Variants in PDE3B observed in about 807,000 individuals in gnomAD.
PDE3B encodes the protein phosphodiesterase 3B, also known as cGMP-inhibited 3',5'-cyclic phosphodiesterase 3B.
Under a neutral mutation model 116.8 loss-of-function variants are expected in PDE3B, and 66 were observed. The ratio of observed to expected loss-of-function variants is 0.56; its 90% CI spans 0.46 to 0.69. The LOEUF is 0.69. Among genes scored for constraint, PDE3B ranks in the 30% least tolerant of loss-of-function variants. The pLI is 0.00. For synonymous variants in PDE3B, 595 were observed against 533.6 expected (o/e 1.12, Z -1.59); for missense variants, 1,384 against 1,368.1 (o/e 1.01, Z -0.18).
intron 1 of PDE3B, among the ~76,000 whole-genome samples, chr11:14,660,152 A>G (rs1853846528): frequency 6.6e-6 from 1 of 152,218 alleles, no homozygotes; most frequent in African/African-American, 2.4e-5. Context: ...TCTGGAAGAC[A>G]GAGGATGTAG....
chr11:14,880,831 A>C, the PDE3B span: 1 of 1,499,606 alleles, frequency 6.7e-7, no homozygotes, highest in African/African-American at 1.4e-5. Context: ...AATGAAAGGG[A>C]ACAAAATTTT....
intron 14 of PDE3B, among the ~76,000 whole-genome samples, chr11:14,864,370 C>T (rs1297880132): frequency 6.6e-6 from 1 of 152,000 alleles, no homozygotes; most frequent in African/African-American, 2.4e-5. Flanking sequence ...ATTTTAACAC[C>T]CCACTGTCAA....
chr11:14,708,035 C>T (rs931322598), intron 1 of PDE3B, among the ~76,000 whole-genome samples: 6 of 152,032 alleles, frequency 3.9e-5, no homozygotes, highest in Non-Finnish European at 7.4e-5. Flanking sequence ...TGCTTGTCCT[C>T]TTCAAACCTC....
chr11:14,752,281 A>G (rs1470725317), intron 1 of PDE3B, among the ~76,000 whole-genome samples: 1 of 152,156 alleles, frequency 6.6e-6, no homozygotes, highest in Non-Finnish European at 1.5e-5. Context: ...ATGTTTGTTC[A>G]GACCTTTTCA....
chr11:14,806,395 C>T (rs1858925193), intron 5 of PDE3B, among the ~76,000 whole-genome samples: 1 of 151,364 alleles, frequency 6.6e-6, no homozygotes, highest in Admixed American at 6.6e-5. Flanking sequence ...TTGCTGTGAG[C>T]CGAGATCGTG....
the PDE3B span, among the ~76,000 whole-genome samples, chr11:14,895,751 T>G: frequency 0.29 from 44,573 of 152,104 alleles, 8,295 homozygotes; most frequent in African/African-American, 0.52. Context: ...TAAATGATAC[T>G]AATTGAACAT....
chr11:14,875,817 T>C (rs140933468), downstream of PDE3B, among the ~76,000 whole-genome samples: 445 of 152,306 alleles, frequency 2.9e-3, no homozygotes, highest in Middle Eastern at 0.01. Context: ...TCCTTGGCTA[T>C]AAAATGAGCA....
At chr11:14,742,427 G>C (rs1856799519) in intron 1 of PDE3B, among the ~76,000 whole-genome samples, 1 of 152,044 alleles carries the variant, frequency 6.6e-6, no homozygotes, top group African/African-American at 2.4e-5. Context: ...GTGTTTTTCA[G>C]CTCCACCAGA....
intron 1 of PDE3B, among the ~76,000 whole-genome samples, chr11:14,686,017 C>T (rs1461024313): frequency 6.6e-6 from 1 of 152,158 alleles, no homozygotes; most frequent in African/African-American, 2.4e-5. Flanking sequence ...ATTAGATTTT[C>T]ACCAATATCT....
At chr11:14,760,887 C>T (rs919062146) in intron 1 of PDE3B, among the ~76,000 whole-genome samples, 1 of 152,170 alleles carries the variant, frequency 6.6e-6, no homozygotes, top group Non-Finnish European at 1.5e-5. Flanking sequence ...GGATATCCAT[C>T]ACCTCCAACA....
chr11:14,841,024 A>G (rs1860205828), intron 11 of PDE3B, among the ~76,000 whole-genome samples: 1 of 152,136 alleles, frequency 6.6e-6, no homozygotes, highest in Non-Finnish European at 1.5e-5. Context: ...GTCAGACATT[A>G]ATTTTAATAT....
chr11:14,701,380 T>C (rs1855357862), intron 1 of PDE3B, among the ~76,000 whole-genome samples: 1 of 151,738 alleles, frequency 6.6e-6, no homozygotes, highest in African/African-American at 2.4e-5. Flanking sequence ...AGTTTGAAAA[T>C]TTTTAACATA....
At chr11:14,786,816 A>T (rs578146804) in intron 3 of PDE3B, 131 bp downstream of exon 3, 1 of 666,420 alleles carries the variant, frequency 1.5e-6, no homozygotes, top group South Asian at 2.1e-5. Context: ...GCTGCTTGGG[A>T]TGTTAGAGGC....
At chr11:14,887,128 A>G in the PDE3B span, 2 of 152,262 alleles carry the variant, frequency 1.3e-5, no homozygotes, top group African/African-American at 2.4e-5. Flanking sequence ...CTATTAAAGG[A>G]AAGTCTCTTC....
chr11:14,723,040 G>C (rs921762505), intron 1 of PDE3B, among the ~76,000 whole-genome samples: 1 of 152,158 alleles, frequency 6.6e-6, no homozygotes, highest in Non-Finnish European at 1.5e-5. Context: ...ATCCTAAATG[G>C]CATCTGGCCA....
intron 1 of PDE3B, among the ~76,000 whole-genome samples, chr11:14,668,641 CAG>C (rs1464956807): frequency 2.0e-5 from 3 of 152,066 alleles, no homozygotes; most frequent in Admixed American, 6.6e-5. Context: ...TCCAAATGAA[CAG>C]AAAGTATACA....
At position 14,804,498 on chromosome 11, in the gene PDE3B, T is replaced by C. The variant is rs189097853; in HGVS notation, c.1522+448T>C. 1.9e-3 allele frequency among the ~76,000 whole-genome samples: 294 copies of C among 152,168 alleles called. 8 individuals carry two copies. Among genetic ancestry groups the C allele is most frequent in the African/African-American group, 1.4e-3 (58 of 41,550 alleles). On this transcript the variant is annotated intron_variant, in intron 5 of 15. Transcript: ENST00000282096. ...AAGATTATAGAATGATTAAAAACTC[T>C]TGGATGCAAGATATTTTAATAAATA...
chr11:14,867,774 C>T lies in PDE3B; in HGVS notation c.3139+16C>T. 6.3e-7 allele frequency: 1 copy of T among 1,582,968 alleles called. No individual in the cohort carries two copies. Among genetic ancestry groups the T allele is most frequent in the Non-Finnish European group, 8.7e-7 (1 of 1,154,606 alleles). ...CTAAATCCAAGTAAGAATATAGGGA[C>T]ATTATAATTTATTTAATGTTATAGG... On this transcript the variant is annotated intron_variant, in intron 15 of 15. Transcript: ENST00000282096.
rs1859231404 is a variant in PDE3B at position 14,813,778 on chromosome 11, C to G, written c.1523-4405C>G. ...AAACACCAGTTTTTTATGAGGCCAG[C>G]ATAACCCTAATATTGAAACCTGACA... On this transcript the variant is annotated intron_variant, in intron 5 of 15. Transcript: ENST00000282096. 2.0e-5 allele frequency among the ~76,000 whole-genome samples: 3 copies of G among 152,114 alleles called. No individual in the cohort carries two copies. In the South Asian group the frequency reaches 6.2e-4, roughly 32 times the overall value.
Sources: gnomAD v4.1 joint callset for allele counts (sites outside exome capture counted in the v4.1 genomes callset) on GRCh38, gnomAD v4.1.1 for gene constraint, MANE v1.5 for transcripts, NCBI Gene and HGNC (gene_info 2026-07-23, HGNC 2026-07-21) for gene names.